Variants in CORO2B observed in about 807,000 individuals in gnomAD.
CORO2B encodes coronin-2B.
A neutral mutation model predicts 58.8 loss-of-function variants in CORO2B; 26 were observed. The observed-to-expected ratio is 0.44, with a 90% CI of 0.32 to 0.61. CORO2B has a LOEUF of 0.61. CORO2B is among the 20% of genes least tolerant of loss of function. The pLI is 0.04. For synonymous variants in CORO2B, 242 were observed against 253.8 expected (o/e 0.95, Z 0.44); for missense variants, 460 against 645.1 (o/e 0.71, Z 3.11).
intron 2 of CORO2B, among the ~76,000 whole-genome samples, chr15:68,678,148 T>C (rs2087708): frequency 0.93 from 141,063 of 152,246 alleles, 65,659 homozygotes; most frequent in East Asian, 1. Context: ...TGCCACTGGC[T>C]GCTGGCTGTT....
At chr15:68,617,787 A>G (rs1010922188) in intron 1 of CORO2B, among the ~76,000 whole-genome samples, 4 of 151,986 alleles carry the variant, frequency 2.6e-5, no homozygotes, top group African/African-American at 9.7e-5. Flanking sequence ...AACAACCTCA[A>G]CTTGAAATCC....
At chr15:68,595,662 C>T (rs1031357869) in intron 1 of CORO2B, among the ~76,000 whole-genome samples, 8 of 152,190 alleles carry the variant, frequency 5.3e-5, no homozygotes, top group African/African-American at 1.9e-4. Context: ...TATCACTAGA[C>T]CAATCCAAAT....
chr15:68,704,035 CACAT>C (rs1236385090), intron 3 of CORO2B, among the ~76,000 whole-genome samples: 40 of 74,036 alleles, frequency 5.4e-4, no homozygotes, highest in Admixed American at 9.1e-4. Context: ...TCTCTACACA[CACAT>C]ACACACACAC....
In CORO2B at chr15:68,589,059, G is replaced by A. The variant is rs115168748; in HGVS notation, c.15+9782G>A. On this transcript the variant is annotated intron_variant, in intron 1 of 11. Coordinates refer to ENST00000261861, the MANE Select transcript of CORO2B (RefSeq NM_006091.5). ...TGCCTTCCTGCCTTACTCATTAAAA[G>A]ATCTGGGAACAAACTCAAGTTATTA... Among the ~76,000 whole-genome samples the A allele has an allele frequency of 3.8e-3, 586 of 152,274 alleles. 7 individuals carry two copies. The highest frequency in any genetic ancestry group is 0.013 in the African/African-American group (552 of 41,560).
intron 2 of CORO2B, among the ~76,000 whole-genome samples, chr15:68,680,885 T>C (rs1183031020): frequency 6.6e-6 from 1 of 152,110 alleles, no homozygotes; most frequent in African/African-American, 2.4e-5. Flanking sequence ...GCCAGCATGA[T>C]CACAAATGCT....
the CORO2B span, among the ~76,000 whole-genome samples, chr15:68,561,466 T>C: frequency 1.3e-5 from 2 of 151,998 alleles, no homozygotes; most frequent in Non-Finnish European, 2.9e-5. Context: ...GCCTTCCCCT[T>C]CCAGCTAACT....
intron 2 of CORO2B, among the ~76,000 whole-genome samples, chr15:68,673,419 G>C (rs963504769): frequency 1.3e-5 from 2 of 152,218 alleles, no homozygotes; most frequent in South Asian, 4.1e-4. Context: ...TTGGGAGGCT[G>C]AGGTAGGAGA....
At chr15:68,585,809 C>T (rs1159278391) in intron 1 of CORO2B, among the ~76,000 whole-genome samples, 5 of 152,032 alleles carry the variant, frequency 3.3e-5, no homozygotes, top group Admixed American at 6.6e-5. Context: ...GTAAATGATT[C>T]GGGGAAGGGT....
intron 3 of CORO2B, among the ~76,000 whole-genome samples, chr15:68,704,845 T>A (rs751201680): frequency 3.3e-5 from 5 of 152,028 alleles, no homozygotes; most frequent in Non-Finnish European, 5.9e-5. Flanking sequence ...TTTTGCCACT[T>A]CTCCCCACCC....
intron 2 of CORO2B, among the ~76,000 whole-genome samples, chr15:68,652,534 G>A (rs1283394201): frequency 1.3e-5 from 2 of 152,200 alleles, no homozygotes; most frequent in African/African-American, 4.8e-5. Flanking sequence ...CTGGCAGAAA[G>A]AGAAGAAACC....
Position 68,699,649 on chromosome 15 carries a change from C to T in CORO2B, c.333+4393C>T, listed in dbSNP as rs1401902736. Among the ~76,000 whole-genome samples, 3 of 152,182 alleles carry T rather than the reference C, an allele frequency of 2.0e-5. No individual in the cohort carries two copies. In the East Asian group the frequency reaches 5.8e-4, roughly 29 times the overall value. On this transcript the variant is annotated intron_variant, in intron 3 of 11. Transcript: ENST00000261861. ...ACCGCATCTTACCCGGGTGTCCACC[C>T]CTCCCCGCCTTGGAGCTAGGGATCT...
chr15:68,617,682 A>G (rs1336633869), intron 1 of CORO2B, among the ~76,000 whole-genome samples: 1 of 152,182 alleles, frequency 6.6e-6, no homozygotes, highest in East Asian at 1.9e-4. Context: ...TGCTGGCATC[A>G]TCACTCTCAT....
At chr15:68,716,088 G>A (rs1445973176) in intron 8 of CORO2B, among the ~76,000 whole-genome samples, 3 of 152,158 alleles carry the variant, frequency 2.0e-5, no homozygotes, top group Admixed American at 1.3e-4. Flanking sequence ...GAAAGGGCCT[G>A]AGAGCCCACT....
chr15:68,568,081 C>A, the CORO2B span, among the ~76,000 whole-genome samples: 1 of 152,192 alleles, frequency 6.6e-6, no homozygotes, highest in Non-Finnish European at 1.5e-5. Context: ...TGAGGCCAAT[C>A]CCCAGTGATC....
At chr15:68,720,117 A>T (rs57211959) in intron 11 of CORO2B, among the ~76,000 whole-genome samples, 1 of 152,168 alleles carries the variant, frequency 6.6e-6, no homozygotes, top group Non-Finnish European at 1.5e-5. Context: ...CTCAGCTGGG[A>T]TTCACAGGAT....
Position 68,579,132 on chromosome 15 carries a change from T to C in CORO2B, c.-131T>C. 3.1e-6 allele frequency: 3 copies of C among 980,868 alleles called. No individual in the cohort carries two copies. The highest frequency in any genetic ancestry group is 4.6e-5 in the South Asian group (1 of 21,828). The allele number at this position is 980,868 out of a possible 1,614,324, so 60.8% of individuals were successfully genotyped here. ...CCCGCCCGGAGCGCAGCCCCCAGGC[T>C]CGGCCGAGCCGCCGGCGGGGCGCGG... On this transcript the variant is annotated 5_prime_UTR_variant, in exon 1 of 12. Coordinates refer to ENST00000261861, the MANE Select transcript of CORO2B (RefSeq NM_006091.5).
intron 3 of CORO2B, among the ~76,000 whole-genome samples, chr15:68,709,439 C>T (rs1245372300): frequency 2.8e-5 from 4 of 142,706 alleles, no homozygotes; most frequent in African/African-American, 2.6e-5. Flanking sequence ...TTCAGATTTT[C>T]GAAAAGATTT....
Position 68,579,133 on chromosome 15 carries a change from C to G in CORO2B, c.-130C>G. The G allele has an allele frequency of 1.0e-6, 1 of 981,676 alleles. No homozygotes were observed. The highest frequency in any genetic ancestry group is 1.2e-4 in the East Asian group (1 of 8,690). The allele number at this position is 981,676 out of a possible 1,614,324, so 60.8% of individuals were successfully genotyped here. ...CCGCCCGGAGCGCAGCCCCCAGGCT[C>G]GGCCGAGCCGCCGGCGGGGCGCGGG... On this transcript the variant is annotated 5_prime_UTR_variant, in exon 1 of 12. Transcript: ENST00000261861.
chr15:68,578,884 C>A, upstream of CORO2B: 1 of 381,012 alleles, frequency 2.6e-6, no homozygotes, highest in Non-Finnish European at 3.6e-6. The surrounding 1 kb of genome is among the most constrained non-coding windows in gnomAD (Gnocchi z 4.2). Flanking sequence ...CGGCCGCTGG[C>A]GGGCTGCGCT....
Sources: allele counts gnomAD v4.1 joint callset (sites outside exome capture counted in the v4.1 genomes callset), GRCh38; gene constraint gnomAD v4.1.1; non-coding constraint Gnocchi (gnomAD v3.1); transcripts MANE v1.5; gene names NCBI Gene and HGNC (gene_info 2026-07-23, HGNC 2026-07-21).